Variants in STK10 observed in about 807,000 individuals in gnomAD.
The protein encoded by STK10 is serine/threonine-protein kinase 10.
In STK10, 78 loss-of-function variants were observed where a neutral mutation model predicts 113.8. The ratio of observed to expected loss-of-function variants is 0.69; its 90% CI spans 0.57 to 0.83. STK10 has a LOEUF of 0.83. STK10 is among the 40% of genes least tolerant of loss of function. The pLI, the probability that STK10 is intolerant of heterozygous loss-of-function variation, is 0.00. For synonymous variants in STK10, 465 were observed against 494.7 expected, an observed-to-expected ratio of 0.94 and a Z score of 0.80; for missense variants, 1,109 against 1,280.1, an observed-to-expected ratio of 0.87 and a Z score of 2.04.
intron 1 of STK10, among the ~76,000 whole-genome samples, chr5:172,167,727 C>G (rs1770597636): frequency 6.6e-6 from 1 of 152,200 alleles, no homozygotes; most frequent in Non-Finnish European, 1.5e-5. Flanking sequence ...TTTAGTTCCT[C>G]AGTTGCATTA....
chr5:172,066,650 TG>T (rs1361932790), intron 12 of STK10, among the ~76,000 whole-genome samples: 2 of 152,132 alleles, frequency 1.3e-5, no homozygotes, highest in Non-Finnish European at 2.9e-5. Flanking sequence ...CAGCCGGGTG[TG>T]GTGGCACATG....
At position 172,065,625 on chromosome 5, in the gene STK10, G is replaced by A. The variant is rs73315828; in HGVS notation, c.1990-813C>T. On this transcript the variant is annotated intron_variant, in intron 12 of 18. Coordinates refer to ENST00000176763, the MANE Select transcript of STK10 (RefSeq NM_005990.4). Reference sequence around the variant, plus strand: ...CTGGGCTGAGCATCTGATCCAGGCTGGCCAAGCAGCATATTCCATGCCCTT... The same window carrying A: ...CTGGGCTGAGCATCTGATCCAGGCTAGCCAAGCAGCATATTCCATGCCCTT... Among the ~76,000 whole-genome samples the A allele has an allele frequency of 7.1e-3, 1,084 of 152,234 alleles. 14 individuals are homozygous for A. Among genetic ancestry groups the A allele is most frequent in the African/African-American group, 0.024 (1,014 of 41,528 alleles).
rs1385882402 is a variant in STK10, at chr5:172,127,432, C to T, written c.322-11G>A. 6 of 1,613,456 alleles carry T rather than the reference C, an allele frequency of 3.7e-6. No homozygotes were observed. The East Asian group carries it at 1.3e-4, about 36-fold the overall frequency. On this transcript the variant is annotated splice_polypyrimidine_tract_variant and intron_variant, in intron 2 of 18. Coordinates refer to ENST00000176763, the MANE Select transcript of STK10 (RefSeq NM_005990.4). ...GAACTCAATCATGATCTGCAGAAAA[C>T]ACAGGGCAAAGTGACAATGAGTGGG...
chr5:172,165,020 G>A (rs147529524), intron 1 of STK10, among the ~76,000 whole-genome samples: 146 of 152,284 alleles, frequency 9.6e-4, no homozygotes, highest in Middle Eastern at 3.4e-3. Flanking sequence ...TACCCGCAAG[G>A]GGCCCAGCCT....
chr5:172,149,520 G>C (rs538612481), intron 2 of STK10, among the ~76,000 whole-genome samples: 433 of 142,682 alleles, frequency 3.0e-3, no homozygotes, highest in East Asian at 0.02. Flanking sequence ...GTGTGTGTGT[G>C]TCTGTGTGTG....
intron 3 of STK10, among the ~76,000 whole-genome samples, chr5:172,121,032 C>CT (rs113620151): frequency 0.07 from 9,705 of 138,746 alleles, 1,062 homozygotes; most frequent in African/African-American, 0.23. Flanking sequence ...GGTTTCTTTC[C>CT]TTTTTTTTTT....
At chr5:172,106,473 G>T in intron 6 of STK10, 147 bp downstream of exon 6, 1 of 755,282 alleles carries the variant, frequency 1.3e-6, no homozygotes, top group Non-Finnish European at 1.9e-6. Flanking sequence ...AGAAACGCCT[G>T]AAGACCCCCA....
At chr5:172,138,524 T>A (rs550008880) in intron 2 of STK10, among the ~76,000 whole-genome samples, 1 of 115,606 alleles carries the variant, frequency 8.7e-6, no homozygotes, top group South Asian at 2.7e-4. Flanking sequence ...GTTGCAGGTA[T>A]AAGATAAGCA....
rs1300564144 is a variant in STK10, at chr5:172,174,309, T to C, written c.156+13578A>G. Among the ~76,000 whole-genome samples the C allele has an allele frequency of 2.0e-5, 3 of 152,076 alleles. No individual in the cohort carries two copies. In the East Asian group the frequency reaches 5.8e-4, roughly 29 times the overall value. On this transcript the variant is annotated intron_variant, in intron 1 of 18. Transcript: ENST00000176763. The stretch of plus-strand genomic sequence containing the variant: ...GCCTCAGCCTCCTGAGTAGCTGGGA[T>C]TACAGGCGCGCACCATCACGCCCAG...
At position 172,180,545 on chromosome 5, in the gene STK10, C is replaced by G. The variant is rs1310335867; in HGVS notation, c.156+7342G>C. Among the ~76,000 whole-genome samples, 17 of 148,718 alleles carry G rather than the reference C, an allele frequency of 1.1e-4. No homozygotes were observed. In the East Asian group the frequency reaches 1.2e-3, roughly 11 times the overall value. On this transcript the variant is annotated intron_variant, in intron 1 of 18. Transcript: ENST00000176763. Reference sequence around the variant, plus strand: ...GTGGCTCACGCCTGTAATCCCAGCACTTTGGGAGGCCGAGGCAGGCGGATC... The same window carrying G: ...GTGGCTCACGCCTGTAATCCCAGCAGTTTGGGAGGCCGAGGCAGGCGGATC...
At chr5:172,065,372 G>A (rs909004146) in intron 12 of STK10, among the ~76,000 whole-genome samples, 2 of 145,810 alleles carry the variant, frequency 1.4e-5, no homozygotes, top group Non-Finnish European at 3.0e-5. Context: ...TTACAAGTGT[G>A]CACCACCACA....
chr5:172,082,644 T>A lies in STK10; in HGVS notation c.1810-139A>T. On this transcript the variant is annotated intron_variant, in intron 11 of 18. Transcript: ENST00000176763. This position sits in a 1 kb window ranked among gnomAD's most constrained non-coding sequence, Gnocchi z 4.3. ...CCAGCTCTACTACCCCGTTGCTGTG[T>A]GACCTGGGGCAAGTTACTTAGCCTG... is the stretch of plus-strand genomic sequence containing the variant. 8.7e-7 allele frequency: 1 copy of A among 1,151,444 alleles called. No homozygotes were observed. The highest frequency in any genetic ancestry group is 1.2e-6 in the Non-Finnish European group (1 of 839,898). The allele number at this position is 1,151,444 out of a possible 1,614,324, so 71.3% of individuals were successfully genotyped here.
At chr5:172,148,924 G>A (rs571522082) in intron 2 of STK10, among the ~76,000 whole-genome samples, 29 of 152,350 alleles carry the variant, frequency 1.9e-4, no homozygotes, top group African/African-American at 5.3e-4. Context: ...GGTGGCTCAC[G>A]CCTATAATCC....
intron 1 of STK10, among the ~76,000 whole-genome samples, chr5:172,178,242 G>T (rs754565424): frequency 5.9e-5 from 9 of 152,132 alleles, no homozygotes; most frequent in Admixed American, 2.6e-4. Context: ...CCGCGTGGGG[G>T]CCACACCGTG....
At chr5:172,111,567 G>T (rs1337034558) in intron 4 of STK10, among the ~76,000 whole-genome samples, 1 of 152,208 alleles carries the variant, frequency 6.6e-6, no homozygotes, top group Non-Finnish European at 1.5e-5. Flanking sequence ...GAGTTTATAA[G>T]GGAGTGTCCC....
At chr5:172,052,834 A>C in intron 18 of STK10, 95 bp downstream of exon 18, 1 of 1,201,048 alleles carries the variant, frequency 8.3e-7, no homozygotes, top group East Asian at 2.4e-5. Flanking sequence ...GCAAGAGTCC[A>C]CCAAAATAAG....
intron 15 of STK10, among the ~76,000 whole-genome samples, chr5:172,056,724 A>G (rs1285401257): frequency 2.0e-5 from 3 of 151,226 alleles, no homozygotes; most frequent in Non-Finnish European, 4.4e-5. Context: ...AAATACAAAA[A>G]TTAGCCAGGC....
At chr5:172,089,830 T>C (rs1464195574) in intron 10 of STK10, among the ~76,000 whole-genome samples, 3 of 151,750 alleles carry the variant, frequency 2.0e-5, no homozygotes, top group Non-Finnish European at 4.4e-5. Context: ...GGTGGATTGA[T>C]GCGTGGATAA....
At chr5:172,058,925 T>C (rs1230501077) in intron 14 of STK10, among the ~76,000 whole-genome samples, 1 of 151,852 alleles carries the variant, frequency 6.6e-6, no homozygotes, top group Non-Finnish European at 1.5e-5. Flanking sequence ...TATAGTTACA[T>C]AAAAAAGCTC....
Sources: gnomAD v4.1 joint callset for allele counts (sites outside exome capture counted in the v4.1 genomes callset) on GRCh38, gnomAD v4.1.1 for gene constraint, Gnocchi (gnomAD v3.1) non-coding constraint, MANE v1.5 for transcripts, NCBI Gene and HGNC (gene_info 2026-07-23, HGNC 2026-07-21) for gene names.